RARB: variants seen among roughly 807,000 people sequenced by gnomAD.
RARB encodes the protein retinoic acid receptor beta.
In RARB, 17 loss-of-function variants were observed where a neutral mutation model predicts 51.9. The ratio of observed to expected loss-of-function variants is 0.33; its 90% CI spans 0.22 to 0.49. The LOEUF (loss-of-function observed/expected upper bound fraction) is 0.49, where lower values mean the gene tolerates loss of function less well. Ranked by LOEUF, RARB falls within the 20% of genes least tolerant of loss-of-function variation. The probability of loss-of-function intolerance (pLI) is 0.99; values close to 1 mark genes in which losing one functional copy is unlikely to be tolerated. For missense variants in RARB, 369 were observed against 550.8 expected, an observed-to-expected ratio of 0.67 and a Z score of 3.30; for synonymous variants, 215 against 195.4, an observed-to-expected ratio of 1.10 and a Z score of -0.84.
intron 4 of RARB, among the ~76,000 whole-genome samples, chr3:25,164,207 T>C (rs1315564499): frequency 2.6e-5 from 4 of 152,120 alleles, no homozygotes; most frequent in South Asian, 2.1e-4. Flanking sequence ...GGGGTGGGTG[T>C]TGGAGGATGG....
intron 2 of RARB, among the ~76,000 whole-genome samples, chr3:24,949,589 A>G (rs1695846748): frequency 6.6e-6 from 1 of 152,228 alleles, no homozygotes; most frequent in Non-Finnish European, 1.5e-5. Context: ...TTGAGGCGAG[A>G]ATATGTATTT....
At position 24,970,709 on chromosome 3, in the gene RARB, G is replaced by C. The variant is rs543633480; in HGVS notation, c.-379-89416G>C. Among the ~76,000 whole-genome samples the C allele has an allele frequency of 1.1e-3, 172 of 151,836 alleles. 1 individual carries two copies. The highest frequency in any genetic ancestry group is 3.9e-3 in the African/African-American group (163 of 41,456). Reference sequence around the variant, plus strand: ...CCTTTTAATTGGAAAAAAAAATACAGCATTGTGTAAAATGTGTTTTCCTCA... The same window carrying C: ...CCTTTTAATTGGAAAAAAAAATACACCATTGTGTAAAATGTGTTTTCCTCA... On this transcript the variant is annotated intron_variant, in intron 2 of 11. Transcript: ENST00000383772.
chr3:25,383,520 A>G (rs1706692717), intron 5 of RARB, among the ~76,000 whole-genome samples: 1 of 152,268 alleles, frequency 6.6e-6, no homozygotes, highest in Non-Finnish European at 1.5e-5. Flanking sequence ...CACCATCAGC[A>G]TCTGCACTGC....
intron 3 of RARB, among the ~76,000 whole-genome samples, chr3:25,096,194 C>T (rs1036958151): frequency 6.6e-6 from 1 of 152,196 alleles, no homozygotes. Context: ...CACTGGACTT[C>T]ACTCAGTAGC....
At chr3:25,438,131 G>T (rs979829158) in intron 1 of RARB, among the ~76,000 whole-genome samples, 1 of 152,168 alleles carries the variant, frequency 6.6e-6, no homozygotes, top group Admixed American at 6.5e-5. Flanking sequence ...GTTGGTTGTC[G>T]GTGAGAGCTC....
intron 2 of RARB, among the ~76,000 whole-genome samples, chr3:24,918,425 G>A (rs1453967264): frequency 6.6e-6 from 1 of 152,200 alleles, no homozygotes; most frequent in Non-Finnish European, 1.5e-5. Flanking sequence ...CTGCAAAAGA[G>A]AAAGTGGGGT....
intron 5 of RARB, among the ~76,000 whole-genome samples, chr3:25,357,863 C>G (rs2125461605): frequency 6.6e-6 from 1 of 152,198 alleles, no homozygotes; most frequent in South Asian, 2.1e-4. Context: ...TTCCATTGGT[C>G]TATATATCAG....
At chr3:24,903,101 A>G (rs1703641920) in intron 2 of RARB, among the ~76,000 whole-genome samples, 1 of 152,244 alleles carries the variant, frequency 6.6e-6, no homozygotes. Context: ...ATCTCCAAGT[A>G]GTAAATACAT....
intron 2 of RARB, among the ~76,000 whole-genome samples, chr3:24,931,252 A>T (rs1695433953): frequency 6.6e-6 from 1 of 152,084 alleles, no homozygotes; most frequent in Non-Finnish European, 1.5e-5. Flanking sequence ...TTTAAATATA[A>T]GTGTAGTTTT....
intron 5 of RARB, among the ~76,000 whole-genome samples, chr3:25,194,664 T>G (rs950410876): frequency 1.1e-4 from 16 of 151,510 alleles, no homozygotes; most frequent in African/African-American, 3.9e-4. Context: ...TTAATTTAAG[T>G]CTCCAATTCC....
chr3:24,962,682 G>A (rs954824019), intron 2 of RARB, among the ~76,000 whole-genome samples: 7 of 152,182 alleles, frequency 4.6e-5, no homozygotes, highest in African/African-American at 1.7e-4. Flanking sequence ...CATCTGGGTT[G>A]CATGTCCTTA....
chr3:24,989,892 C>G (rs1180260137), intron 2 of RARB, among the ~76,000 whole-genome samples: 1 of 92,144 alleles, frequency 1.1e-5, no homozygotes, highest in Non-Finnish European at 2.1e-5. Context: ...CTCCCCTTCC[C>G]GGGTTCACGC....
intron 5 of RARB, among the ~76,000 whole-genome samples, chr3:25,226,119 A>G (rs753461139): frequency 3.6e-4 from 55 of 152,204 alleles, no homozygotes; most frequent in Non-Finnish European, 7.2e-4. Flanking sequence ...AGACGTGTCC[A>G]CTTTTCTAAA....
At chr3:25,564,503 C>T (rs1700405155) in intron 3 of RARB, among the ~76,000 whole-genome samples, 1 of 152,114 alleles carries the variant, frequency 6.6e-6, no homozygotes, top group Non-Finnish European at 1.5e-5. Flanking sequence ...CCCCGCAGAC[C>T]CCAACATGAT....
At chr3:25,527,054 C>G (rs1162087707) in intron 3 of RARB, among the ~76,000 whole-genome samples, 2 of 152,164 alleles carry the variant, frequency 1.3e-5, no homozygotes, top group Non-Finnish European at 2.9e-5. Flanking sequence ...GATTGAGTTA[C>G]TTAGAGCAGT....
At chr3:25,343,083 G>A (rs1458855026) in intron 5 of RARB, among the ~76,000 whole-genome samples, 2 of 130,322 alleles carry the variant, frequency 1.5e-5, no homozygotes. Flanking sequence ...TAATGCTGAG[G>A]CAGTAGTTAG....
intron 2 of RARB, among the ~76,000 whole-genome samples, chr3:24,864,555 C>A (rs550618289): frequency 1.3e-5 from 2 of 152,314 alleles, no homozygotes; most frequent in East Asian, 3.9e-4. Flanking sequence ...CAGACTCACT[C>A]TCTCATATCC....
At chr3:25,212,156 T>C (rs1701714552) in intron 5 of RARB, among the ~76,000 whole-genome samples, 1 of 152,152 alleles carries the variant, frequency 6.6e-6, no homozygotes, top group Non-Finnish European at 1.5e-5. Context: ...GATTAAAAAG[T>C]TTACCTAAAC....
At chr3:25,134,199 T>C (rs9861111) in intron 4 of RARB, among the ~76,000 whole-genome samples, 87,149 of 151,586 alleles carry the variant, frequency 0.57, 25,339 homozygotes, top group East Asian at 0.7. Flanking sequence ...TCTGGTAACA[T>C]TTAACTGTTT....
Sources: gnomAD v4.1 joint callset for allele counts (sites outside exome capture counted in the v4.1 genomes callset) on GRCh38, gnomAD v4.1.1 for gene constraint, MANE v1.5 for transcripts, NCBI Gene and HGNC (gene_info 2026-07-23, HGNC 2026-07-21) for gene names.